Variants in XXYLT1 observed in about 807,000 individuals in gnomAD.
XXYLT1 encodes the protein UDP-xylose:alpha-xyloside alpha-1,3-xylosyltransferase.
Under a neutral mutation model 28.9 loss-of-function variants are expected in XXYLT1, and 20 were observed. That is an observed-to-expected ratio of 0.69 (90% CI 0.49 to 1.00). XXYLT1 has a LOEUF of 1.00. Ranked by LOEUF, XXYLT1 falls within the 50% of genes least tolerant of loss-of-function variation. The pLI is 0.00. For synonymous variants in XXYLT1, 257 were observed against 253.8 expected (o/e 1.01, Z -0.12); for missense variants, 542 against 560.1 (o/e 0.97, Z 0.33).
At chr3:195,149,865 A>G (rs1720093545) in intron 3 of XXYLT1, among the ~76,000 whole-genome samples, 1 of 152,234 alleles carries the variant, frequency 6.6e-6, no homozygotes, top group African/African-American at 2.4e-5. Flanking sequence ...AGCGGGAAGG[A>G]GGGAAACACA....
At chr3:195,139,684 C>A (rs1436652681) in intron 3 of XXYLT1, among the ~76,000 whole-genome samples, 1 of 152,182 alleles carries the variant, frequency 6.6e-6, no homozygotes, top group Non-Finnish European at 1.5e-5. Context: ...ACAAAGGCCC[C>A]TTCCCAAAAA....
intron 3 of XXYLT1, among the ~76,000 whole-genome samples, chr3:195,100,778 T>TCGCCCCCAAGCCACAA (rs1716732659): frequency 6.6e-6 from 1 of 152,228 alleles, no homozygotes; most frequent in Non-Finnish European, 1.5e-5. Context: ...TTGGACTATG[T>TCGCCCCCAAGCCACAA]CTATGGTTGT....
At chr3:195,108,517 TAAC>T (rs56363756) in intron 3 of XXYLT1, among the ~76,000 whole-genome samples, 17,022 of 152,256 alleles carry the variant, frequency 0.11, 1,062 homozygotes, top group East Asian at 0.25. Flanking sequence ...ACGCATCGCT[TAAC>T]AACAGAGTTT....
chr3:195,218,598 A>G (rs1185189264), intron 2 of XXYLT1, among the ~76,000 whole-genome samples: 1 of 152,138 alleles, frequency 6.6e-6, no homozygotes, highest in East Asian at 1.9e-4. Flanking sequence ...AGAAATGCAA[A>G]TCAAAACCAC....
intron 2 of XXYLT1, among the ~76,000 whole-genome samples, chr3:195,193,236 G>A (rs557748371): frequency 1.4e-3 from 206 of 151,016 alleles, no homozygotes; most frequent in Non-Finnish European, 2.0e-3. Context: ...TGCAGTGGGC[G>A]GAGGTCACAC....
At chr3:195,220,298 C>CGG in intron 2 of XXYLT1, among the ~76,000 whole-genome samples, 1 of 152,272 alleles carries the variant, frequency 6.6e-6, no homozygotes, top group East Asian at 1.9e-4. Context: ...CCCATCACCA[C>CGG]ACCTGGCTAA....
rs189664878 is a variant in XXYLT1 at position 195,169,547 on chromosome 3, G to A, written c.653-12966C>T. 1.2e-4 allele frequency among the ~76,000 whole-genome samples: 19 copies of A among 152,280 alleles called. No homozygotes were observed. In the East Asian group the frequency reaches 3.5e-3, roughly 28 times the overall value. On this transcript the variant is annotated intron_variant, in intron 2 of 3. Transcript: ENST00000310380. Reference sequence around the variant, plus strand: ...ATATAGATGGTCCCCGCCACAATGCGGTTCCACTTCACAATTTTTCAGCTT... The same window carrying A: ...ATATAGATGGTCCCCGCCACAATGCAGTTCCACTTCACAATTTTTCAGCTT...
At chr3:195,204,111 G>A (rs1460895638) in intron 2 of XXYLT1, among the ~76,000 whole-genome samples, 6 of 152,196 alleles carry the variant, frequency 3.9e-5, no homozygotes, top group Non-Finnish European at 8.8e-5. Flanking sequence ...TTGGGAGGCT[G>A]AGGCAGGTGG....
intron 2 of XXYLT1, among the ~76,000 whole-genome samples, chr3:195,208,395 C>T (rs1178870053): frequency 6.6e-6 from 1 of 152,048 alleles, no homozygotes; most frequent in African/African-American, 2.4e-5. Flanking sequence ...CTGCCCACTG[C>T]CCACACGCCT....
chr3:195,200,581 G>A (rs373450034), intron 2 of XXYLT1, among the ~76,000 whole-genome samples: 11 of 152,272 alleles, frequency 7.2e-5, no homozygotes, highest in East Asian at 1.9e-4. Flanking sequence ...GGGCTTTGGC[G>A]ACCAGGGTTC....
chr3:195,172,535 A>G (rs1408361644), intron 2 of XXYLT1, among the ~76,000 whole-genome samples: 1 of 152,190 alleles, frequency 6.6e-6, no homozygotes, highest in Non-Finnish European at 1.5e-5. Flanking sequence ...CATTCTTTCA[A>G]TCATTCAACG....
intron 3 of XXYLT1, among the ~76,000 whole-genome samples, chr3:195,107,995 G>A (rs1469223694): frequency 6.6e-6 from 1 of 152,098 alleles, no homozygotes; most frequent in Non-Finnish European, 1.5e-5. Flanking sequence ...GATGCCATTC[G>A]GCTCTCATGC....
intron 3 of XXYLT1, among the ~76,000 whole-genome samples, chr3:195,118,626 A>G (rs906819925): frequency 6.6e-6 from 1 of 150,414 alleles, no homozygotes; most frequent in Non-Finnish European, 1.5e-5. Flanking sequence ...CAGCCTTCAC[A>G]GACTTGCCAC....
intron 2 of XXYLT1, among the ~76,000 whole-genome samples, chr3:195,221,647 G>A (rs569115389): frequency 6.6e-6 from 1 of 152,346 alleles, no homozygotes; most frequent in East Asian, 1.9e-4. Context: ...CTGAGCTGGA[G>A]CCAGCAGCGC....
intron 1 of XXYLT1, chr3:195,270,307 T>C (rs1725976117): frequency 3.3e-6 from 3 of 905,038 alleles, no homozygotes; most frequent in African/African-American, 1.7e-5. Context: ...TGCGCTTAAC[T>C]GGGGGAGAGG....
chr3:195,229,239 T>C (rs912322731), intron 1 of XXYLT1, among the ~76,000 whole-genome samples: 4 of 152,240 alleles, frequency 2.6e-5, no homozygotes, highest in Non-Finnish European at 2.9e-5. Flanking sequence ...AAAACTTTGT[T>C]ACTATTTTTT....
intron 3 of XXYLT1, among the ~76,000 whole-genome samples, chr3:195,088,118 G>A (rs1414475316): frequency 2.0e-5 from 3 of 151,530 alleles, no homozygotes; most frequent in Non-Finnish European, 2.9e-5. Flanking sequence ...AGGGGCGCCC[G>A]CCATTGCCCA....
At chr3:195,161,555 G>A (rs1720870859) in intron 2 of XXYLT1, among the ~76,000 whole-genome samples, 1 of 151,770 alleles carries the variant, frequency 6.6e-6, no homozygotes, top group Non-Finnish European at 1.5e-5. Flanking sequence ...GACCAATAGA[G>A]AAACTTCTGG....
At position 195,070,031 on chromosome 3, in the gene XXYLT1, T is replaced by G. The variant is rs1348348039; in HGVS notation, c.866A>C (p.Asn289Thr). The change falls in exon 4 of 4, where the codon AAC (asparagine) becomes ACC (threonine). Residue 289 changes from asparagine to threonine, a missense_variant. Coordinates refer to ENST00000310380, the MANE Select transcript of XXYLT1 (RefSeq NM_152531.5). ...CAGGTTCAGCAACATCACCCCGCTGTTGAAGCCCGGCAGCCCCTCGGGGGG... is the reference window on the plus strand; with the variant it reads ...CAGGTTCAGCAACATCACCCCGCTGGTGAAGCCCGGCAGCCCCTCGGGGGG... ...GPPPEGLPGF[N>T]SGVMLLNLEA... 6.2e-7 allele frequency: 1 copy of G among 1,602,452 alleles called. No homozygotes were observed. The highest frequency in any genetic ancestry group is 8.5e-7 in the Non-Finnish European group (1 of 1,179,506).
Sources: allele counts gnomAD v4.1 joint callset (sites outside exome capture counted in the v4.1 genomes callset), GRCh38; gene constraint gnomAD v4.1.1; transcripts MANE v1.5; gene names NCBI Gene and HGNC (gene_info 2026-07-23, HGNC 2026-07-21).